Variants in ARHGAP31 observed in about 807,000 individuals in gnomAD.
The protein encoded by ARHGAP31 is Rho GTPase activating protein 31.
ARHGAP31 carries 34 observed loss-of-function variants against 113.9 expected under a neutral mutation model. That is an observed-to-expected ratio of 0.30 (90% confidence interval 0.23 to 0.40). The LOEUF is 0.40. ARHGAP31 is among the 10% of genes least tolerant of loss of function. ARHGAP31 has a pLI of 1.00. For missense variants in ARHGAP31, 1,548 were observed against 1,767.1 expected (o/e 0.88, Z 2.22); for synonymous variants, 650 against 684.8 (o/e 0.95, Z 0.79).
At chr3:119,353,514 G>A (rs77294379) in intron 1 of ARHGAP31, among the ~76,000 whole-genome samples, 6,394 of 152,238 alleles carry the variant, frequency 0.042, 378 homozygotes, top group African/African-American at 0.12. Flanking sequence ...GATAAGAAGT[G>A]TATAGCTAGG....
chr3:119,340,013 A>G (rs1261105752), intron 1 of ARHGAP31, among the ~76,000 whole-genome samples: 1 of 152,248 alleles, frequency 6.6e-6, no homozygotes, highest in Non-Finnish European at 1.5e-5. Flanking sequence ...AAATAGGTGC[A>G]AACTGCACAT....
intron 1 of ARHGAP31, among the ~76,000 whole-genome samples, chr3:119,349,056 G>A (rs551536348): frequency 3.3e-5 from 5 of 152,208 alleles, no homozygotes; most frequent in South Asian, 4.2e-4. Flanking sequence ...ACCCCTTGCT[G>A]TTTTAACAAA....
At chr3:119,394,448 G>A (rs1269669274) in intron 8 of ARHGAP31, among the ~76,000 whole-genome samples, 1 of 152,140 alleles carries the variant, frequency 6.6e-6, no homozygotes, top group Admixed American at 6.5e-5. Flanking sequence ...GGAACTGAGG[G>A]AACCATATAT....
At chr3:119,312,080 A>G (rs1255863632) in intron 1 of ARHGAP31, among the ~76,000 whole-genome samples, 1 of 152,366 alleles carries the variant, frequency 6.6e-6, no homozygotes, top group South Asian at 2.1e-4. Context: ...TAAATCTTCC[A>G]GGGAAAAGAG....
intron 1 of ARHGAP31, among the ~76,000 whole-genome samples, chr3:119,357,693 CT>C (rs1214131696): frequency 6.6e-6 from 1 of 152,010 alleles, no homozygotes; most frequent in African/African-American, 2.4e-5. Context: ...TCTTTTTTTC[CT>C]CTTTTTCTCC....
intron 1 of ARHGAP31, among the ~76,000 whole-genome samples, chr3:119,327,178 C>G (rs1197685744): frequency 6.6e-6 from 1 of 151,598 alleles, no homozygotes; most frequent in Non-Finnish European, 1.5e-5. Context: ...GCAAAAAAAA[C>G]TCATGGTCAC....
At chr3:119,339,195 C>G (rs2079986894) in intron 1 of ARHGAP31, among the ~76,000 whole-genome samples, 1 of 152,122 alleles carries the variant, frequency 6.6e-6, no homozygotes, top group Non-Finnish European at 1.5e-5. Flanking sequence ...GTGGGAACAA[C>G]AGAAGACCAC....
At chr3:119,367,535 A>G (rs532212401) in intron 2 of ARHGAP31, among the ~76,000 whole-genome samples, 1 of 152,248 alleles carries the variant, frequency 6.6e-6, no homozygotes, top group East Asian at 1.9e-4. Context: ...ACCATCAGGC[A>G]GCCTAGAAGG....
Position 119,380,909 on chromosome 3 carries a change from A to C in ARHGAP31, c.354A>C (p.Ala118=), listed in dbSNP as rs2080390989. ...TYELYEKFTE[A]VSHCPEEGQL... is the part of the protein sequence containing the mutation. ...CCTTGTGTTCTTCTCCACAGGAGGCAGTGTCGCATTGCCCTGAAGAAGGCC... is the reference window on the plus strand; with the variant it reads ...CCTTGTGTTCTTCTCCACAGGAGGCCGTGTCGCATTGCCCTGAAGAAGGCC... Residue 118 remains alanine (A), a synonymous_variant, in exon 4 of 12, where the codon GCA becomes GCC. Transcript: ENST00000264245. 1 of 1,614,112 alleles carries C rather than the reference A, an allele frequency of 6.2e-7. No individual in the cohort carries two copies.
In ARHGAP31 at chr3:119,420,440, T is replaced by C. The variant is rs1309686617; in HGVS notation, c.*4176T>C. On this transcript the variant is annotated 3_prime_UTR_variant, in exon 12 of 12. Transcript: ENST00000264245. ...AGAGGAGGGGGCAATGGTGGAAGGG[T>C]GATTGCCTGAAATCAGTGCCAGTAC... The C allele has an allele frequency of 6.6e-6, 1 of 152,076 alleles. No individual in the cohort carries two copies. Among genetic ancestry groups the C allele is most frequent in the Non-Finnish European group, 1.5e-5 (1 of 68,032 alleles). The allele number at this position is 152,076 out of a possible 1,614,324, so 9.4% of individuals were successfully genotyped here.
At chr3:119,392,817 C>T (rs764570008) in intron 7 of ARHGAP31, among the ~76,000 whole-genome samples, 17 of 152,258 alleles carry the variant, frequency 1.1e-4, no homozygotes, top group Admixed American at 2.6e-4. Flanking sequence ...TCGGATTTCT[C>T]ATCCAACCCT....
intron 2 of ARHGAP31, among the ~76,000 whole-genome samples, chr3:119,366,447 T>C (rs928141322): frequency 1.3e-5 from 2 of 151,936 alleles, no homozygotes; most frequent in African/African-American, 4.8e-5. Context: ...CCTAGAGAAG[T>C]CATAGCTGTT....
chr3:119,399,628 A>G (rs147118479), intron 9 of ARHGAP31, among the ~76,000 whole-genome samples: 10 of 152,336 alleles, frequency 6.6e-5, no homozygotes, highest in African/African-American at 4.8e-5. Context: ...TTTATGCCCT[A>G]TGGTTTTATG....
intron 10 of ARHGAP31, among the ~76,000 whole-genome samples, chr3:119,407,605 A>G (rs983981529): frequency 2.0e-5 from 3 of 152,260 alleles, no homozygotes; most frequent in Non-Finnish European, 4.4e-5. Flanking sequence ...GTAGTTATCT[A>G]TAAGAGACAG....
In ARHGAP31 at chr3:119,420,349, C is replaced by T. The variant is rs1023993382; in HGVS notation, c.*4085C>T. On this transcript the variant is annotated 3_prime_UTR_variant, in exon 12 of 12. Coordinates refer to ENST00000264245, the MANE Select transcript of ARHGAP31 (RefSeq NM_020754.4). ...TGTGGCATGACAAAGAATATGTGCT[C>T]TACTACCAAAACCTTTCCTAGCAAA... 2 of 151,962 alleles carry T rather than the reference C, an allele frequency of 1.3e-5. No individual in the cohort carries two copies. The highest frequency in any genetic ancestry group is 4.8e-5 in the African/African-American group (2 of 41,424). The allele number at this position is 151,962 out of a possible 1,614,324, so 9.4% of individuals were successfully genotyped here. A position where few individuals can be genotyped will look rare whatever the true frequency, so the allele number is the denominator to read the frequency against.
At chr3:119,375,378 C>T (rs1182083776) in intron 3 of ARHGAP31, among the ~76,000 whole-genome samples, 2 of 152,166 alleles carry the variant, frequency 1.3e-5, no homozygotes, top group African/African-American at 4.8e-5. Flanking sequence ...GTCTCTGCCT[C>T]CAGGGCCACA....
intron 1 of ARHGAP31, among the ~76,000 whole-genome samples, chr3:119,323,531 G>A (rs1031045165): frequency 6.6e-6 from 1 of 152,092 alleles, no homozygotes; most frequent in African/African-American, 2.4e-5. Flanking sequence ...TCCAGGAAGA[G>A]GAGAAACCTG....
At chr3:119,315,172 T>C (rs9822211) in intron 1 of ARHGAP31, among the ~76,000 whole-genome samples, 59,545 of 152,168 alleles carry the variant, frequency 0.39, 11,868 homozygotes, top group Non-Finnish European at 0.41. Flanking sequence ...ATACTGCTGT[T>C]ACCGTGTTGT....
intron 8 of ARHGAP31, among the ~76,000 whole-genome samples, chr3:119,398,053 G>C (rs1336264971): frequency 6.6e-6 from 1 of 152,132 alleles, no homozygotes; most frequent in Non-Finnish European, 1.5e-5. Context: ...GATTGCTTGA[G>C]TCTAGGAGTT....
Sources: gnomAD v4.1 joint callset for allele counts (sites outside exome capture counted in the v4.1 genomes callset) on GRCh38, gnomAD v4.1.1 for gene constraint, MANE v1.5 for transcripts, NCBI Gene and HGNC (gene_info 2026-07-23, HGNC 2026-07-21) for gene names.